Variants in ROR2 observed in about 807,000 individuals in gnomAD.
ROR2 encodes the protein tyrosine-protein kinase transmembrane receptor ROR2.
A neutral mutation model predicts 74.9 loss-of-function variants in ROR2; 33 were observed. The ratio of observed to expected loss-of-function variants is 0.44; its 90% CI spans 0.33 to 0.59. ROR2 has a LOEUF of 0.59. ROR2 is among the 20% of genes least tolerant of loss of function. The probability of loss-of-function intolerance (pLI) is 0.02; values close to 1 mark genes in which losing one functional copy is unlikely to be tolerated. For missense variants in ROR2, 1,216 were observed against 1,313.8 expected (o/e 0.93, Z 1.15); for synonymous variants, 586 against 558.7 (o/e 1.05, Z -0.69).
intron 1 of ROR2, among the ~76,000 whole-genome samples, chr9:91,906,718 TTA>T (rs1206663611): frequency 6.6e-6 from 1 of 152,214 alleles, no homozygotes; most frequent in African/African-American, 2.4e-5. Context: ...ATCTTTTTCA[TTA>T]TATTTTAGAA....
At chr9:91,745,304 T>C (rs1825374780) in intron 4 of ROR2, among the ~76,000 whole-genome samples, 1 of 151,890 alleles carries the variant, frequency 6.6e-6, no homozygotes, top group Non-Finnish European at 1.5e-5. Context: ...TTTGTATTTT[T>C]AGTAGAGACG....
intron 1 of ROR2, among the ~76,000 whole-genome samples, chr9:91,822,801 T>C (rs1332808283): frequency 2.6e-5 from 4 of 152,106 alleles, no homozygotes; most frequent in Non-Finnish European, 4.4e-5. Flanking sequence ...GGATTTAGCA[T>C]CTCTGACACA....
chr9:91,909,232 G>A (rs1203072796), intron 1 of ROR2, among the ~76,000 whole-genome samples: 1 of 152,188 alleles, frequency 6.6e-6, no homozygotes, highest in Non-Finnish European at 1.5e-5. Context: ...GTGCATCTCA[G>A]GAGTGGGGTG....
chr9:91,751,796 G>A (rs1056502103), intron 4 of ROR2, among the ~76,000 whole-genome samples: 5 of 152,050 alleles, frequency 3.3e-5, no homozygotes, highest in East Asian at 1.9e-4. Flanking sequence ...AAAATGGACC[G>A]TATCTAACTG....
chr9:91,927,856 G>A lies in ROR2; in HGVS notation c.97+22011C>T, dbSNP rs374228971. ...TAGGATTACAGGCGTGAGCCACCGC[G>A]CCCAGCCTCTAGATTCTATAACTGT... is the stretch of plus-strand genomic sequence containing the variant. On this transcript the variant is annotated intron_variant, in intron 1 of 8. Transcript: ENST00000375708. 1.1e-3 allele frequency among the ~76,000 whole-genome samples: 161 copies of A among 152,122 alleles called. 5 individuals carry two copies. In the South Asian group the frequency reaches 0.03, roughly 28 times the overall value.
chr9:91,849,287 G>C (rs80051024), intron 1 of ROR2, among the ~76,000 whole-genome samples: 1 of 152,220 alleles, frequency 6.6e-6, no homozygotes, highest in Non-Finnish European at 1.5e-5. Flanking sequence ...AATCAATCCA[G>C]GGGTGAGGAA....
At chr9:91,751,235 C>T (rs1299517518) in intron 4 of ROR2, among the ~76,000 whole-genome samples, 1 of 152,182 alleles carries the variant, frequency 6.6e-6, no homozygotes, top group Admixed American at 6.5e-5. Flanking sequence ...CAAGTGGAAA[C>T]TGACTCACAG....
intron 1 of ROR2, among the ~76,000 whole-genome samples, chr9:91,898,156 A>G (rs1830586165): frequency 6.6e-6 from 1 of 152,188 alleles, no homozygotes; most frequent in South Asian, 2.1e-4. Flanking sequence ...TGGCTTTGCC[A>G]ATTTAGTGAA....
At chr9:91,799,922 A>G (rs1394818789) in intron 1 of ROR2, among the ~76,000 whole-genome samples, 1 of 152,230 alleles carries the variant, frequency 6.6e-6, no homozygotes, top group African/African-American at 2.4e-5. Flanking sequence ...AGGGTCCACC[A>G]AACAGCAAGG....
chr9:91,798,956 G>GA (rs1422121367), intron 1 of ROR2, among the ~76,000 whole-genome samples: 6 of 152,144 alleles, frequency 3.9e-5, no homozygotes, highest in African/African-American at 1.4e-4. Context: ...CCTTCACAGA[G>GA]AAAGAGCAAC....
At chr9:91,858,665 G>A (rs776102061) in intron 1 of ROR2, among the ~76,000 whole-genome samples, 13 of 152,282 alleles carry the variant, frequency 8.5e-5, no homozygotes, top group East Asian at 7.7e-4. Context: ...TTGTCACTTC[G>A]CTTAAGGACA....
chr9:91,873,740 T>A (rs1049747296), intron 1 of ROR2, among the ~76,000 whole-genome samples: 1 of 152,030 alleles, frequency 6.6e-6, no homozygotes, highest in African/African-American at 2.4e-5. Flanking sequence ...CCCAGCAATA[T>A]ATATAGCTGT....
At chr9:91,928,255 C>T (rs1055524019) in intron 1 of ROR2, among the ~76,000 whole-genome samples, 6 of 152,312 alleles carry the variant, frequency 3.9e-5, no homozygotes, top group African/African-American at 1.2e-4. Flanking sequence ...CATCTGGAAC[C>T]GTCCCCCACT....
intron 1 of ROR2, among the ~76,000 whole-genome samples, chr9:91,896,851 C>A (rs1182566291): frequency 1.3e-5 from 2 of 152,204 alleles, no homozygotes. Flanking sequence ...TTTTCCAACA[C>A]TGGGCTCTTT....
chr9:91,859,693 T>C (rs1313703434), intron 1 of ROR2, among the ~76,000 whole-genome samples: 1 of 151,920 alleles, frequency 6.6e-6, no homozygotes, highest in African/African-American at 2.4e-5. Context: ...GTCGTGGTGG[T>C]GCACACCTGT....
chr9:91,725,714 T>C (rs989383528), intron 8 of ROR2, among the ~76,000 whole-genome samples: 9 of 152,070 alleles, frequency 5.9e-5, no homozygotes, highest in Non-Finnish European at 2.9e-5. Context: ...CCACAGGTGA[T>C]AGGAGCCCTG....
At chr9:91,750,377 C>T (rs1285931513) in intron 4 of ROR2, among the ~76,000 whole-genome samples, 1 of 152,198 alleles carries the variant, frequency 6.6e-6, no homozygotes, top group East Asian at 1.9e-4. Flanking sequence ...TTGCTTCAAC[C>T]AATCAATACA....
chr9:91,774,191 G>A (rs926250017), intron 2 of ROR2, among the ~76,000 whole-genome samples: 4 of 152,172 alleles, frequency 2.6e-5, no homozygotes, highest in African/African-American at 7.2e-5. Flanking sequence ...CAGAGCATGC[G>A]TTTACTACAT....
Position 91,905,309 on chromosome 9 carries a change from CCA to C in ROR2, c.97+44556_97+44557del, listed in dbSNP as rs1191899625. On this transcript the variant is annotated intron_variant, in intron 1 of 8. Transcript: ENST00000375708. The surrounding 1 kb of genome is among the most constrained non-coding windows in gnomAD (Gnocchi z 5.3). ...CACACAATACCACACACCAGACACACCACACACATACAATCATACCACACAAC... is the reference window on the plus strand; with the variant it reads ...CACACAATACCACACACCAGACACACCACACATACAATCATACCACACAAC... Among the ~76,000 whole-genome samples the C allele has an allele frequency of 6.6e-6, 1 of 150,734 alleles. No homozygotes were observed. The highest frequency in any genetic ancestry group is 2.4e-5 in the African/African-American group (1 of 41,052).
Sources: gnomAD v4.1 joint callset for allele counts (sites outside exome capture counted in the v4.1 genomes callset) on GRCh38, gnomAD v4.1.1 for gene constraint, Gnocchi (gnomAD v3.1) non-coding constraint, MANE v1.5 for transcripts, NCBI Gene and HGNC (gene_info 2026-07-23, HGNC 2026-07-21) for gene names.